The following PCDH15 variants were observed in gnomAD, a reference collection of about 807,000 sequenced individuals.
PCDH15 encodes the protein protocadherin related 15.
A neutral mutation model predicts 178.5 loss-of-function variants in PCDH15; 129 were observed. That is an observed-to-expected ratio of 0.72 (90% CI 0.63 to 0.84). PCDH15 has a LOEUF of 0.84. PCDH15 is among the 40% of genes least tolerant of loss of function. The pLI, the probability that PCDH15 is intolerant of heterozygous loss-of-function variation, is 0.00. For synonymous variants in PCDH15, 800 were observed against 732.0 expected (o/e 1.09, Z -1.50); for missense variants, 2,230 against 2,099.9 (o/e 1.06, Z -1.21).
chr10:55,205,052 T>C (rs1196554044), intron 1 of PCDH15, among the ~76,000 whole-genome samples: 1 of 152,084 alleles, frequency 6.6e-6, no homozygotes, highest in African/African-American at 2.4e-5. Flanking sequence ...AACAGGCTCC[T>C]CAGATATCCT....
intron 2 of PCDH15, among the ~76,000 whole-genome samples, chr10:55,427,915 A>G (rs189074082): frequency 1.4e-3 from 214 of 152,260 alleles, no homozygotes; most frequent in Admixed American, 2.2e-3. Context: ...GGAAAAATGT[A>G]TAAGGTTATG....
chr10:54,176,718 G>A (rs2133710734), intron 13 of PCDH15, among the ~76,000 whole-genome samples: 1 of 152,168 alleles, frequency 6.6e-6, no homozygotes, highest in Admixed American at 6.5e-5. Context: ...GAAACAGTGT[G>A]GTAGGAAATC....
chr10:54,160,774 T>C (rs1182742123), intron 13 of PCDH15, among the ~76,000 whole-genome samples: 3 of 152,062 alleles, frequency 2.0e-5, no homozygotes, highest in Non-Finnish European at 2.9e-5. Flanking sequence ...CCAAAGAAGA[T>C]CAATAAATGG....
intron 4 of PCDH15, among the ~76,000 whole-genome samples, chr10:54,372,513 G>T (rs1947825712): frequency 6.6e-6 from 1 of 151,800 alleles, no homozygotes; most frequent in Admixed American, 6.6e-5. Flanking sequence ...ATGTAATTTT[G>T]TATTGGCATA....
At chr10:55,467,515 G>A (rs1839856247) in intron 2 of PCDH15, among the ~76,000 whole-genome samples, 1 of 151,440 alleles carries the variant, frequency 6.6e-6, no homozygotes, top group African/African-American at 2.4e-5. Flanking sequence ...ATATTTTAAT[G>A]TCATGGGATG....
At chr10:54,249,888 T>G (rs1283661502) in intron 8 of PCDH15, among the ~76,000 whole-genome samples, 4 of 152,154 alleles carry the variant, frequency 2.6e-5, no homozygotes, top group Non-Finnish European at 5.9e-5. Flanking sequence ...ATTGAAAAAC[T>G]ATATTTTCCC....
In PCDH15 at chr10:55,072,049, C is replaced by T. The variant is rs182542597; in HGVS notation, c.-80+94527G>A. Among the ~76,000 whole-genome samples the T allele has an allele frequency of 1.1e-3, 171 of 152,054 alleles. 1 individual carries two copies. The highest frequency in any genetic ancestry group is 3.5e-3 in the African/African-American group (145 of 41,470). Reference sequence around the variant, plus strand: ...AAATAAAGATGTTCTTTGAAACCAACGAGAACAAAGACACAACATACCAGA... The same window carrying T: ...AAATAAAGATGTTCTTTGAAACCAATGAGAACAAAGACACAACATACCAGA... On this transcript the variant is annotated intron_variant, in intron 2 of 5. Coordinates refer to the PCDH15 transcript ENST00000458638.
chr10:55,443,184 C>G (rs1202373340), intron 2 of PCDH15, among the ~76,000 whole-genome samples: 1 of 152,016 alleles, frequency 6.6e-6, no homozygotes, highest in Non-Finnish European at 1.5e-5. Flanking sequence ...AACCATAAAA[C>G]CCTAGAAGAA....
chr10:55,622,343 G>T (rs573716738), intron 2 of PCDH15, among the ~76,000 whole-genome samples: 42 of 151,198 alleles, frequency 2.8e-4, no homozygotes, highest in African/African-American at 9.0e-4. Context: ...ACTGATAATT[G>T]TACTTCCTTT....
chr10:55,419,467 T>C (rs1441402922), intron 2 of PCDH15, among the ~76,000 whole-genome samples: 4 of 151,712 alleles, frequency 2.6e-5, no homozygotes, highest in African/African-American at 9.7e-5. Context: ...TGAGGAGAGA[T>C]TGTTTGTATT....
chr10:55,441,690 A>G (rs1839189292), intron 2 of PCDH15, among the ~76,000 whole-genome samples: 1 of 152,224 alleles, frequency 6.6e-6, no homozygotes, highest in South Asian at 2.1e-4. Context: ...AAAAATGAAA[A>G]TAACAATGAT....
intron 1 of PCDH15, among the ~76,000 whole-genome samples, chr10:54,742,262 T>C (rs1316332534): frequency 6.6e-6 from 1 of 152,028 alleles, no homozygotes; most frequent in African/African-American, 2.4e-5. Flanking sequence ...TTCCAAATTA[T>C]GAATCTAGAA....
intron 2 of PCDH15, chr10:54,605,785 T>C (rs958185807): frequency 2.0e-5 from 3 of 152,166 alleles, no homozygotes; most frequent in Non-Finnish European, 4.4e-5. Flanking sequence ...CACAGACTTT[T>C]TCAAACTGTT....
chr10:54,359,410 T>C (rs896247262), intron 5 of PCDH15, among the ~76,000 whole-genome samples: 1 of 151,858 alleles, frequency 6.6e-6, no homozygotes, highest in Non-Finnish European at 1.5e-5. Flanking sequence ...ATGGGACATA[T>C]GAGAACTGTA....
chr10:55,286,110 C>T (rs976154852), intron 1 of PCDH15, among the ~76,000 whole-genome samples: 3 of 151,834 alleles, frequency 2.0e-5, no homozygotes, highest in Non-Finnish European at 2.9e-5. Context: ...CATATAATAC[C>T]TACGCATGTT....
At chr10:54,260,452 A>G (rs1379932400) in intron 8 of PCDH15, among the ~76,000 whole-genome samples, 1 of 151,930 alleles carries the variant, frequency 6.6e-6, no homozygotes, top group East Asian at 1.9e-4. Context: ...CACTGCCAAC[A>G]TTTGTCTCTT....
intron 2 of PCDH15, among the ~76,000 whole-genome samples, chr10:55,384,816 C>T (rs1837613007): frequency 6.6e-6 from 1 of 152,088 alleles, no homozygotes; most frequent in South Asian, 2.1e-4. Context: ...ATTCATTACA[C>T]CTACTGTGGA....
chr10:55,468,190 G>C (rs1048384234), intron 2 of PCDH15: 3 of 152,060 alleles, frequency 2.0e-5, no homozygotes, highest in Non-Finnish European at 2.9e-5. Flanking sequence ...CTAGGAATGT[G>C]CTTCCTCAGA....
intron 2 of PCDH15, among the ~76,000 whole-genome samples, chr10:55,071,753 G>A (rs529982946): frequency 6.6e-6 from 1 of 152,194 alleles, no homozygotes; most frequent in African/African-American, 2.4e-5. Context: ...TGACCTAATA[G>A]ACATCTACAG....
Sources: gnomAD v4.1 joint callset for allele counts (sites outside exome capture counted in the v4.1 genomes callset) on GRCh38, gnomAD v4.1.1 for gene constraint, MANE v1.5 for transcripts, NCBI Gene and HGNC (gene_info 2026-07-23, HGNC 2026-07-21) for gene names.